DBF4B: variants seen among roughly 807,000 people sequenced by gnomAD.
The protein encoded by DBF4B is DBF4B-CDC7 kinase regulatory subunit, also known as protein DBF4 homolog B.
A neutral mutation model predicts 53.4 loss-of-function variants in DBF4B; 49 were observed. The observed-to-expected ratio is 0.92, with a 90% CI of 0.73 to 1.16. The LOEUF (loss-of-function observed/expected upper bound fraction) is 1.16, where lower values mean the gene tolerates loss of function less well. Ranked by LOEUF, DBF4B falls within the 50% of genes most tolerant of loss-of-function variation. The pLI is 0.00. For missense variants in DBF4B, 692 were observed against 775.0 expected (o/e 0.89, Z 1.27); for synonymous variants, 257 against 288.7 (o/e 0.89, Z 1.11).
At chr17:44,733,136 G>T (rs1975001683) in intron 6 of DBF4B, among the ~76,000 whole-genome samples, 1 of 149,470 alleles carries the variant, frequency 6.7e-6, no homozygotes, top group Admixed American at 6.7e-5. Flanking sequence ...CTGCACTCCA[G>T]CCTGGGCGAC....
intron 3 of DBF4B, among the ~76,000 whole-genome samples, chr17:44,726,649 A>G (rs1370082151): frequency 6.6e-6 from 1 of 151,920 alleles, no homozygotes; most frequent in Non-Finnish European, 1.5e-5. Flanking sequence ...CATATGCATC[A>G]TTTGCGGTGG....
At chr17:44,733,057 C>T (rs868331330) in intron 6 of DBF4B, among the ~76,000 whole-genome samples, 1 of 150,556 alleles carries the variant, frequency 6.6e-6, no homozygotes, top group Non-Finnish European at 1.5e-5. Context: ...CCCAGCTACT[C>T]GGGAGGCTGA....
At chr17:44,729,694 A>ACACACG (rs1394878424) in intron 3 of DBF4B, among the ~76,000 whole-genome samples, 2 of 96,808 alleles carry the variant, frequency 2.1e-5, no homozygotes, top group East Asian at 6.3e-4. Context: ...ACACACACAC[A>ACACACG]CACACACACA....
In DBF4B at chr17:44,752,046, TCTC is replaced by T; in HGVS notation, c.*794_*796del. 6.8e-7 allele frequency: 1 copy of T among 1,466,444 alleles called. No individual in the cohort carries two copies. The highest frequency in any genetic ancestry group is 2.0e-5 in the Admixed American group (1 of 50,882). The allele number at this position is 1,466,444 out of a possible 1,614,324, so 90.8% of individuals were successfully genotyped here. On this transcript the variant is annotated 3_prime_UTR_variant, in exon 14 of 14. Transcript: ENST00000315005. ...TCCCCAGGCCTTTGTTCTTGCCTCTTCTCGCTGAGCCTTTCACTTCTCGGCAGA... is the reference window on the plus strand; with the variant it reads ...TCCCCAGGCCTTTGTTCTTGCCTCTTGCTGAGCCTTTCACTTCTCGGCAGA...
At chr17:44,723,072 G>C (rs762833061) in intron 3 of DBF4B, 50 bp downstream of exon 3, 32 of 1,605,634 alleles carry the variant, frequency 2.0e-5, no homozygotes, top group Non-Finnish European at 2.5e-5. Flanking sequence ...TGCAGGCTTA[G>C]AGCAGGAGTT....
chr17:44,716,547 G>C (rs1973353029), intron 2 of DBF4B, among the ~76,000 whole-genome samples: 1 of 152,094 alleles, frequency 6.6e-6, no homozygotes, highest in African/African-American at 2.4e-5. Flanking sequence ...GTAATTCTTT[G>C]TTTTCTGAGG....
chr17:44,734,513 A>G (rs906897819), intron 7 of DBF4B, among the ~76,000 whole-genome samples: 5 of 152,234 alleles, frequency 3.3e-5, no homozygotes, highest in African/African-American at 1.2e-4. Flanking sequence ...TTCCCTGTAC[A>G]GCCTCTAGAC....
intron 9 of DBF4B, among the ~76,000 whole-genome samples, chr17:44,739,616 A>G (rs759847334): frequency 3.3e-5 from 5 of 152,234 alleles, no homozygotes; most frequent in Non-Finnish European, 5.9e-5. Context: ...GTAGGTAATC[A>G]TGACACATAT....
At chr17:44,740,999 G>A (rs1567669333) in intron 9 of DBF4B, among the ~76,000 whole-genome samples, 2 of 152,166 alleles carry the variant, frequency 1.3e-5, no homozygotes, top group Admixed American at 1.3e-4. Context: ...GCCGGCCATG[G>A]TGGCGGACGC....
chr17:44,730,652 TC>T (rs745652074), intron 4 of DBF4B, among the ~76,000 whole-genome samples: 1 of 152,196 alleles, frequency 6.6e-6, no homozygotes, highest in Non-Finnish European at 1.5e-5. Flanking sequence ...TTTCATTATC[TC>T]CTGGAGGGTG....
chr17:44,718,331 G>A (rs1174990321), intron 2 of DBF4B, among the ~76,000 whole-genome samples: 1 of 151,186 alleles, frequency 6.6e-6, no homozygotes, highest in Non-Finnish European at 1.5e-5. Flanking sequence ...GCTGAGGCAG[G>A]AGAATCGCTT....
At chr17:44,719,128 A>G (rs1973598609) in intron 2 of DBF4B, 1 of 151,654 alleles carries the variant, frequency 6.6e-6, no homozygotes. Context: ...CACCATGCCC[A>G]GCTAATTTTT....
Position 44,752,197 on chromosome 17 carries a change from C to A in DBF4B, c.*944C>A. ...ATTACTCGGGCCTCAGTTTCCTCGT[C>A]TTTAAGTAAGGGGCTTGGATGAGAT... is the stretch of plus-strand genomic sequence containing the variant. On this transcript the variant is annotated 3_prime_UTR_variant, in exon 14 of 14. Transcript: ENST00000315005. The A allele has an allele frequency of 1.8e-6, 1 of 566,922 alleles. No homozygotes were observed. Among genetic ancestry groups the A allele is most frequent in the Admixed American group, 3.0e-5 (1 of 33,348 alleles). The allele number at this position is 566,922 out of a possible 1,614,324, so 35.1% of individuals were successfully genotyped here.
chr17:44,719,518 T>C (rs923771379), intron 2 of DBF4B, among the ~76,000 whole-genome samples: 2 of 152,192 alleles, frequency 1.3e-5, no homozygotes, highest in African/African-American at 4.8e-5. Context: ...TTCTGGACAT[T>C]TCATATAAAT....
intron 2 of DBF4B, among the ~76,000 whole-genome samples, chr17:44,722,580 A>G (rs748965171): frequency 4.7e-4 from 71 of 152,182 alleles, no homozygotes; most frequent in South Asian, 1.0e-3. Context: ...CAGCCCCCCA[A>G]TGTCTGGTTT....
At chr17:44,737,001 T>G in intron 8 of DBF4B, 135 bp downstream of exon 8, 2 of 1,068,968 alleles carry the variant, frequency 1.9e-6, no homozygotes, top group Non-Finnish European at 2.8e-6. Flanking sequence ...CCCCTTTGTG[T>G]TTCCAGGGCC....
intron 3 of DBF4B, among the ~76,000 whole-genome samples, chr17:44,725,681 C>CTTTTTTTTTTTTTTTTTTT (rs1568172432): frequency 2.5e-5 from 2 of 79,096 alleles, no homozygotes; most frequent in African/African-American, 7.5e-5. Context: ...TTTTTTTGTG[C>CTTTTTTTTTTTTTTTTTTT]TTCTTTTTTT....
At position 44,749,423 on chromosome 17, in the gene DBF4B, G is replaced by A; in HGVS notation, c.1189+958G>A. 7.8e-7 allele frequency: 1 copy of A among 1,289,420 alleles called. No individual in the cohort carries two copies. The highest frequency in any genetic ancestry group is 1.2e-5 in the South Asian group (1 of 81,038). The allele number at this position is 1,289,420 out of a possible 1,614,324, so 79.9% of individuals were successfully genotyped here. ...TGCACACCCGGCCAGGGCTGACCAG[G>A]ACGCAGGAGGGGCAGAACCCCAGGA... On this transcript the variant is annotated intron_variant, in intron 13 of 13. Transcript: ENST00000315005. The surrounding 1 kb of genome is among the most constrained non-coding windows in gnomAD (Gnocchi z 4.4).
intron 9 of DBF4B, among the ~76,000 whole-genome samples, chr17:44,741,041 A>C (rs2145082306): frequency 6.6e-6 from 1 of 152,276 alleles, no homozygotes; most frequent in South Asian, 2.1e-4. Context: ...AGGCTGAGGC[A>C]GGAGAATGGT....
Sources: allele counts gnomAD v4.1 joint callset (sites outside exome capture counted in the v4.1 genomes callset), GRCh38; gene constraint gnomAD v4.1.1; non-coding constraint Gnocchi (gnomAD v3.1); transcripts MANE v1.5; gene names NCBI Gene and HGNC (gene_info 2026-07-23, HGNC 2026-07-21).